UPF3B: variants seen among roughly 807,000 people sequenced by gnomAD.
The protein encoded by UPF3B is UPF3B regulator of nonsense mediated mRNA decay, also known as regulator of nonsense transcripts 3B.
Under a neutral mutation model 40.3 loss-of-function variants are expected in UPF3B, and 7 were observed. The observed-to-expected ratio is 0.17, with a 90% CI of 0.10 to 0.33. The LOEUF is 0.33. Among genes scored for constraint, UPF3B ranks in the 10% least tolerant of loss-of-function variants. The pLI, the probability that UPF3B is intolerant of heterozygous loss-of-function variation, is 1.00. For synonymous variants in UPF3B, 117 were observed against 117.3 expected (o/e 1.00, Z 0.01); for missense variants, 229 against 358.9 (o/e 0.64, Z 2.93).
At chrX:119,833,452 G>T (rs181272459), downstream of UPF3B, among the ~76,000 whole-genome samples, 83 of 111,655 alleles carry the variant, frequency 7.4e-4, no homozygotes, top group African/African-American at 2.7e-3. Context: ...TGATCCTCCA[G>T]TCTCAGCCTC....
At position 119,838,491 on chromosome X, in the gene UPF3B, A is replaced by G. The variant is rs755087452; in HGVS notation, c.883T>C (p.Leu295=). The G allele has an allele frequency of 7.4e-5, 90 of 1,209,458 alleles. No homozygotes were observed. Among genetic ancestry groups the G allele is most frequent in the Non-Finnish European group, 9.3e-5 (83 of 895,027 alleles). The change falls in exon 9 of 11, where the codon TTG becomes CTG. Residue 295 remains leucine, a synonymous_variant. Transcript: ENST00000276201. ...TTCTTGGCTTTTTCTCTTTTGTCCA[A>G]TTCTTTTTCATCTCCTTTTTCTGGC... ...KKPEKGDEKE[L]DKREKAKKLD...
intron 3 of UPF3B, among the ~76,000 whole-genome samples, chrX:119,848,355 A>G (rs567938290): frequency 9.2e-6 from 1 of 109,247 alleles, no homozygotes; most frequent in South Asian, 3.9e-4. Context: ...TGAAGATATT[A>G]TGCTAAATGA....
intron 8 of UPF3B, 78 bp downstream of exon 8, chrX:119,840,568 C>A: frequency 2.1e-6 from 2 of 971,927 alleles, no homozygotes; most frequent in Non-Finnish European, 2.9e-6. Context: ...CCACCACCAC[C>A]ACCAAAAGGA....
chrX:119,838,026 A>G lies in UPF3B; in HGVS notation c.1033T>C (p.Tyr345His), dbSNP rs1178832981. 1.7e-6 allele frequency: 2 copies of G among 1,210,559 alleles called. No homozygotes were observed. The highest frequency in any genetic ancestry group is 1.7e-5 in the African/African-American group (1 of 57,530). The change falls in exon 10 of 11, where the codon TAT becomes CAT. Residue 345 changes from tyrosine (Y) to histidine (H), a missense_variant. Tyr to His is a moderately conservative substitution (Grantham distance 83). This residue lies in a region of UPF3B where 119 missense variants were observed against 153.8 expected (regional missense o/e 0.77). Transcript: ENST00000276201. Reference sequence around the variant, plus strand: ...TCATATTCCCGTTCCCTCTCCCTATAGTCTCTGCCGCTCTCATCTTCAGGT... The same window carrying G: ...TCATATTCCCGTTCCCTCTCCCTATGGTCTCTGCCGCTCTCATCTTCAGGT... ...KRPEDESGRD[Y>H]REREREYERD...
rs373920032 is a variant in UPF3B at position 119,840,645 on chromosome X, C to T, written c.846+1G>A. Reference sequence around the variant, plus strand: ...CTCTGTATCATGTACTTGGTCCTTACATTTTTCTGATTCACAGCTTGTAAC... The same window carrying T: ...CTCTGTATCATGTACTTGGTCCTTATATTTTTCTGATTCACAGCTTGTAAC... On this transcript the variant is annotated splice_donor_variant, in intron 8 of 10. Coordinates refer to ENST00000276201, the MANE Select transcript of UPF3B (RefSeq NM_080632.3). LOFTEE classifies it high-confidence loss of function. The T allele has an allele frequency of 9.9e-6, 12 of 1,208,671 alleles. No individual in the cohort carries two copies. Among genetic ancestry groups the T allele is most frequent in the Non-Finnish European group, 1.3e-5 (12 of 893,505 alleles).
chrX:119,841,564 C>A (rs1332071919), intron 6 of UPF3B, among the ~76,000 whole-genome samples, 171 bp downstream of exon 6: 3 of 112,068 alleles, frequency 2.7e-5, no homozygotes, highest in Non-Finnish European at 5.6e-5. Context: ...GGTCCAACAA[C>A]CAGAGTGAAG....
intron 4 of UPF3B, among the ~76,000 whole-genome samples, chrX:119,843,765 T>A (rs2056194161): frequency 1.8e-5 from 2 of 112,379 alleles, no homozygotes; most frequent in South Asian, 7.2e-4. Context: ...TGTCACTTGA[T>A]CAAGTCTTCC....
chrX:119,839,652 A>G (rs1191850056), intron 8 of UPF3B, among the ~76,000 whole-genome samples: 1 of 111,969 alleles, frequency 8.9e-6, no homozygotes, highest in Non-Finnish European at 1.9e-5. Flanking sequence ...GCAAAGCACC[A>G]CAAGACATAA....
downstream of UPF3B, among the ~76,000 whole-genome samples, chrX:119,831,059 C>T (rs1442371777): frequency 8.9e-6 from 1 of 112,505 alleles, no homozygotes; most frequent in Non-Finnish European, 1.9e-5. Flanking sequence ...ATGTCCTCAC[C>T]ATCAGCTTTT....
At chrX:119,830,277 C>T (rs780440338), downstream of UPF3B, among the ~76,000 whole-genome samples, 10 of 110,657 alleles carry the variant, frequency 9.0e-5, no homozygotes, top group South Asian at 3.8e-4. Context: ...AAATATAATC[C>T]CCAGTGTTGT....
At chrX:119,830,384 A>G (rs1198707764), downstream of UPF3B, among the ~76,000 whole-genome samples, 1 of 110,178 alleles carries the variant, frequency 9.1e-6, no homozygotes, top group African/African-American at 3.3e-5. Context: ...TGGTTGCTGT[A>G]AAGTGTGGCA....
chrX:119,838,503 C>T lies in UPF3B; in HGVS notation c.871G>A (p.Asp291Asn). The change falls in exon 9 of 11, where the codon GAT becomes AAT. Residue 291 changes from aspartate to asparagine, a missense_variant. Coordinates refer to ENST00000276201, the MANE Select transcript of UPF3B (RefSeq NM_080632.3). Reference protein sequence around the residue: ...KNLLKKPEKGDEKELDKREKA... With the variant: ...KNLLKKPEKGNEKELDKREKA... ...TCTCTTTTGTCCAATTCTTTTTCAT[C>T]TCCTTTTTCTGGCTTCTTGAGCAGC... The T allele has an allele frequency of 1.7e-6, 2 of 1,210,893 alleles. No individual in the cohort carries two copies. The highest frequency in any genetic ancestry group is 3.5e-5 in the South Asian group (2 of 56,790).
chrX:119,843,222 C>T lies in UPF3B; in HGVS notation c.549G>A (p.Glu183=), dbSNP rs780964582. 1.5e-5 allele frequency: 18 copies of T among 1,205,007 alleles called. No individual in the cohort carries two copies. The highest frequency in any genetic ancestry group is 8.8e-5 in the South Asian group (5 of 56,781). The change falls in exon 5 of 11, where the codon GAG becomes GAA. Residue 183 remains glutamate, a synonymous_variant. Coordinates refer to ENST00000276201, the MANE Select transcript of UPF3B (RefSeq NM_080632.3). ...KMTSTPETLL[E]EIEAKNRELI... ...ATTCTCTATTTTTTGCTTCTATTTC[C>T]TCTAGCAGTGTCTCTGGAGTAGATG...
intron 1 of UPF3B, among the ~76,000 whole-genome samples, chrX:119,852,506 T>C: frequency 8.9e-6 from 1 of 112,364 alleles, no homozygotes; most frequent in Middle Eastern, 4.6e-3. Flanking sequence ...ATACCGTCGC[T>C]CTTCCCTCCC....
At chrX:119,831,116 G>T (rs2056031523), downstream of UPF3B, among the ~76,000 whole-genome samples, 1 of 111,937 alleles carries the variant, frequency 8.9e-6, no homozygotes, top group African/African-American at 3.2e-5. Flanking sequence ...TGATGAAATT[G>T]TACTTCCAAT....
At chrX:119,847,763 AAAAT>A (rs1468594730) in intron 3 of UPF3B, among the ~76,000 whole-genome samples, 1 of 108,209 alleles carries the variant, frequency 9.2e-6, no homozygotes, top group Non-Finnish European at 1.9e-5. Flanking sequence ...ACTCTGTCTC[AAAAT>A]AAATAAATAA....
chrX:119,841,079 A>T lies in UPF3B; in HGVS notation c.804T>A (p.Ile268=). Reference sequence around the variant, plus strand: ...GTCAGTTTCAACATTCTTATACCTTAATCTTTGGTTCATCCTTTAATTTGT... The same window carrying T: ...GTCAGTTTCAACATTCTTATACCTTTATCTTTGGTTCATCCTTTAATTTGT... ...ERDKLKDEPK[I]KVHRFLLQAV... The change falls in exon 7 of 11, where the codon ATT becomes ATA. Residue 268 remains isoleucine (I), a synonymous_variant. Coordinates refer to ENST00000276201, the MANE Select transcript of UPF3B (RefSeq NM_080632.3). The T allele has an allele frequency of 8.3e-7, 1 of 1,209,600 alleles. No individual in the cohort carries two copies. Among genetic ancestry groups the T allele is most frequent in the Non-Finnish European group, 1.1e-6 (1 of 894,534 alleles).
intron 10 of UPF3B, 79 bp from the exon 11 acceptor site, chrX:119,835,106 G>C: frequency 9.0e-7 from 1 of 1,105,185 alleles, no homozygotes; most frequent in Non-Finnish European, 1.2e-6. Flanking sequence ...TCATAGTTAT[G>C]TATGAATATA....
intron 10 of UPF3B, among the ~76,000 whole-genome samples, chrX:119,836,945 C>T (rs754415539): frequency 6.0e-5 from 6 of 99,614 alleles, no homozygotes; most frequent in South Asian, 4.8e-4. Context: ...CCACCGCGCC[C>T]GGCCAGTTTT....
Sources: allele counts gnomAD v4.1 joint callset (sites outside exome capture counted in the v4.1 genomes callset), GRCh38; gene constraint gnomAD v4.1.1; regional missense constraint gnomAD v4.1.1; transcripts MANE v1.5; gene names NCBI Gene and HGNC (gene_info 2026-07-23, HGNC 2026-07-21).